MAN1B1: variants seen among roughly 807,000 people sequenced by gnomAD.
MAN1B1 encodes the protein mannosidase alpha class 1B member 1, also known as endoplasmic reticulum mannosyl-oligosaccharide 1,2-alpha-mannosidase.
MAN1B1 carries 66 observed loss-of-function variants against 75.5 expected under a neutral mutation model. The observed-to-expected ratio is 0.87, with a 90% CI of 0.72 to 1.07. The LOEUF (loss-of-function observed/expected upper bound fraction) is 1.07. Ranked by LOEUF, MAN1B1 falls within the 50% of genes least tolerant of loss-of-function variation. The pLI is 0.00. For missense variants in MAN1B1, 973 were observed against 912.5 expected (o/e 1.07, Z -0.85); for synonymous variants, 453 against 382.8 (o/e 1.18, Z -2.14).
intron 3 of MAN1B1, among the ~76,000 whole-genome samples, chr9:137,094,165 C>T (rs1326747007): frequency 6.6e-6 from 1 of 151,702 alleles, no homozygotes; most frequent in African/African-American, 2.4e-5. Context: ...CAGGGATGTG[C>T]CACCACGCCC....
intron 3 of MAN1B1, chr9:137,089,311 T>G: frequency 2.3e-6 from 1 of 434,308 alleles, no homozygotes; most frequent in Non-Finnish European, 4.3e-6. Flanking sequence ...CAGGCACAGA[T>G]GGGCAGAGGC....
Position 137,088,096 on chromosome 9 carries a change from T to C in MAN1B1, c.241T>C (p.Leu81=). 6.2e-7 allele frequency: 1 copy of C among 1,614,176 alleles called. No homozygotes were observed. The highest frequency in any genetic ancestry group is 8.5e-7 in the Non-Finnish European group (1 of 1,180,000). The change falls in exon 2 of 13, where the codon TTG becomes CTG. Residue 81 remains leucine, a synonymous_variant. Coordinates refer to ENST00000371589, the MANE Select transcript of MAN1B1 (RefSeq NM_016219.5). The part of the protein sequence containing the change: ...CWRKWKQLSR[L]QRNMILFLLA... ...TTAGAAATGGAAGCAACTGTCGAGATTGCAGCGGAATATGATTCTCTTCCT... is the reference window on the plus strand; with the variant it reads ...TTAGAAATGGAAGCAACTGTCGAGACTGCAGCGGAATATGATTCTCTTCCT...
intron 3 of MAN1B1, among the ~76,000 whole-genome samples, chr9:137,091,558 C>T (rs1373686528): frequency 2.5e-5 from 3 of 119,780 alleles, no homozygotes; most frequent in East Asian, 2.3e-4. Flanking sequence ...ACAGAGTCTT[C>T]CTCTGTTTCC....
At chr9:137,097,523 ACTC>A (rs1246940037) in intron 4 of MAN1B1, among the ~76,000 whole-genome samples, 6 of 151,496 alleles carry the variant, frequency 4.0e-5, no homozygotes, top group Non-Finnish European at 7.4e-5. Context: ...AAGATTCTCT[ACTC>A]CTCCACCATA....
intron 5 of MAN1B1, among the ~76,000 whole-genome samples, chr9:137,098,822 A>G (rs994255343): frequency 6.6e-6 from 1 of 152,100 alleles, no homozygotes; most frequent in Non-Finnish European, 1.5e-5. Context: ...CCTGGACAAC[A>G]CAGTGAGGCC....
chr9:137,105,600 T>C (rs776190056), intron 8 of MAN1B1: 64 of 315,872 alleles, frequency 2.0e-4, no homozygotes, highest in Non-Finnish European at 3.3e-4. Flanking sequence ...TGCCCCTCTG[T>C]GGGCCAGGAC....
chr9:137,102,105 A>T, intron 8 of MAN1B1: 1 of 438,832 alleles, frequency 2.3e-6, no homozygotes, highest in East Asian at 7.4e-5. Context: ...GCAGGCGTGC[A>T]GGTCGGTGGT....
At chr9:137,100,293 C>T (rs1830773225) in intron 6 of MAN1B1, among the ~76,000 whole-genome samples, 1 of 152,194 alleles carries the variant, frequency 6.6e-6, no homozygotes, top group South Asian at 2.1e-4. Context: ...ATAATTTAAA[C>T]ATTTGCCTAA....
Position 137,099,769 on chromosome 9 carries a change from A to C in MAN1B1, c.804A>C (p.Ala268=), listed in dbSNP as rs1236319845. Residue 268 remains alanine, a synonymous_variant, in exon 6 of 13, where the codon GCA becomes GCC. Coordinates refer to ENST00000371589, the MANE Select transcript of MAN1B1 (RefSeq NM_016219.5). ...LHAWKGYRKF[A]WGHDELKPVS... is the part of the protein sequence containing the mutation. ...CATGGAAAGGATACCGCAAGTTTGC[A>C]TGGGGCCATGACGAGCTGAAGCCTG... The C allele has an allele frequency of 1.2e-6, 2 of 1,614,094 alleles. No homozygotes were observed. Among genetic ancestry groups the C allele is most frequent in the Admixed American group, 1.7e-5 (1 of 60,012 alleles).
intron 2 of MAN1B1, 59 bp downstream of exon 2, chr9:137,088,242 G>GC: frequency 6.2e-7 from 1 of 1,613,830 alleles, no homozygotes; most frequent in Non-Finnish European, 8.5e-7. Flanking sequence ...TTGGGCAGAA[G>GC]CAATCTTGCA....
At position 137,106,215 on chromosome 9, in the gene MAN1B1, C is replaced by T. The variant is rs1185789572; in HGVS notation, c.1345C>T (p.Leu449Phe). 6.2e-7 allele frequency: 1 copy of T among 1,610,236 alleles called. No individual in the cohort carries two copies. The highest frequency in any genetic ancestry group is 2.2e-5 in the East Asian group (1 of 44,804). The change falls in exon 9 of 13, where the codon CTC becomes TTC. Residue 449 changes from leucine (L) to phenylalanine (F), a missense_variant. Physicochemically the swap from Leu to Phe is conservative, Grantham distance 22. Transcript: ENST00000371589. ...VPMFINTHSG[L>F]FTHLGVFTLG... ...CATGTTCATCAATACCCACAGTGGCCTCTTCACCCACCTGGGCGTATTCAC... is the reference window on the plus strand; with the variant it reads ...CATGTTCATCAATACCCACAGTGGCTTCTTCACCCACCTGGGCGTATTCAC...
intron 10 of MAN1B1, 66 bp downstream of exon 10, chr9:137,106,875 C>T (rs1831129331): frequency 1.3e-6 from 2 of 1,524,240 alleles, no homozygotes; most frequent in East Asian, 2.3e-5. Flanking sequence ...GTGCCTGAGT[C>T]ATGATGTCAA....
At chr9:137,096,131 A>G in intron 3 of MAN1B1, 106 bp from the exon 4 acceptor site, 1 of 1,197,602 alleles carries the variant, frequency 8.4e-7, no homozygotes, top group Admixed American at 1.7e-5. Context: ...AGAGGTCAGA[A>G]GCTCAGTCTG....
At position 137,097,430 on chromosome 9, in the gene MAN1B1, G is replaced by A. The variant is rs149406845; in HGVS notation, c.621-398G>A. On this transcript the variant is annotated intron_variant, in intron 4 of 12. Coordinates refer to ENST00000371589, the MANE Select transcript of MAN1B1 (RefSeq NM_016219.5). The stretch of plus-strand genomic sequence containing the variant: ...GGGAGTTTGAGTGGCCATGCGTCTC[G>A]TGTGTAGGGACAGCCCCCGTCTGTG... 3.1e-3 allele frequency among the ~76,000 whole-genome samples: 479 copies of A among 152,316 alleles called. 4 individuals carry two copies. Among genetic ancestry groups the A allele is most frequent in the East Asian group, 8.9e-3 (46 of 5,188 alleles).
At chr9:137,103,093 AG>A (rs1830935787) in intron 8 of MAN1B1, 2 of 414,664 alleles carry the variant, frequency 4.8e-6, no homozygotes, top group Non-Finnish European at 9.3e-6. Context: ...GCAGGCGTGC[AG>A]GTCGGTGGTG....
At chr9:137,088,343 T>A in intron 2 of MAN1B1, 160 bp downstream of exon 2, 1 of 1,598,156 alleles carries the variant, frequency 6.3e-7, no homozygotes, top group Non-Finnish European at 8.5e-7. Flanking sequence ...TGTAACCACC[T>A]GGCTAGAACA....
At position 137,094,013 on chromosome 9, in the gene MAN1B1, T is replaced by C. The variant is rs140815905; in HGVS notation, c.466-2224T>C. On this transcript the variant is annotated intron_variant, in intron 3 of 12. Transcript: ENST00000371589. Reference sequence around the variant, plus strand: ...CATAAAACTGTGATCATTGAACCCATGGTGATTTTTTTTTTTTTTGAGACA... The same window carrying C: ...CATAAAACTGTGATCATTGAACCCACGGTGATTTTTTTTTTTTTTGAGACA... Among the ~76,000 whole-genome samples the C allele has an allele frequency of 7.8e-3, 1,153 of 147,322 alleles. 7 individuals are homozygous for C. The highest frequency in any genetic ancestry group is 0.02 in the African/African-American group (767 of 38,572).
Position 137,088,168 on chromosome 9 carries a change from G to T in MAN1B1, c.313G>T (p.Ala105Ser). The change falls in exon 2 of 13, where the codon GCT becomes TCT. Residue 105 changes from alanine to serine, a missense_variant. Physicochemically the swap from Ala to Ser is moderately conservative, Grantham distance 99. Coordinates refer to ENST00000371589, the MANE Select transcript of MAN1B1 (RefSeq NM_016219.5). Reference sequence around the variant, plus strand: ...TGGACTCCTCTTCTACATCAACTTGGCTGACCATTGGAAAGGTATCAGAAA... The same window carrying T: ...TGGACTCCTCTTCTACATCAACTTGTCTGACCATTGGAAAGGTATCAGAAA... ...FCGLLFYINL[A>S]DHWKALAFRL... is the part of the protein sequence containing the mutation. 1 of 1,614,122 alleles carries T rather than the reference G, an allele frequency of 6.2e-7. No individual in the cohort carries two copies. The highest frequency in any genetic ancestry group is 2.2e-5 in the East Asian group (1 of 44,890).
At position 137,108,572 on chromosome 9, in the gene MAN1B1, C is replaced by T. The variant is rs746298401; in HGVS notation, c.2081C>T (p.Pro694Leu). 2.5e-6 allele frequency: 4 copies of T among 1,613,702 alleles called. No homozygotes were observed. Among genetic ancestry groups the T allele is most frequent in the East Asian group, 2.2e-5 (1 of 44,900 alleles). The change falls in exon 13 of 13, where the codon CCT becomes CTT. Residue 694 changes from proline (P) to leucine (L), a missense_variant. By Grantham distance (98) the Pro-to-Leu change is moderately conservative. Transcript: ENST00000371589. ...YVFNTEAHPL[P>L]IWTPA ...TTCAACACCGAAGCCCACCCTCTGC[C>T]TATCTGGACCCCTGCCTAGGGTGGA...
Sources: allele counts gnomAD v4.1 joint callset (sites outside exome capture counted in the v4.1 genomes callset), GRCh38; gene constraint gnomAD v4.1.1; transcripts MANE v1.5; gene names NCBI Gene and HGNC (gene_info 2026-07-23, HGNC 2026-07-21).